The following TIMP2 variants were observed in gnomAD, a reference collection of about 807,000 sequenced individuals.
The protein encoded by TIMP2 is metalloproteinase inhibitor 2.
Under a neutral mutation model 24.3 loss-of-function variants are expected in TIMP2, and 5 were observed. That is an observed-to-expected ratio of 0.21 (90% CI 0.11 to 0.43). The LOEUF is 0.43. TIMP2 is among the 20% of genes least tolerant of loss of function. The pLI, the probability that TIMP2 is intolerant of heterozygous loss-of-function variation, is 1.00. For synonymous variants in TIMP2, 130 were observed against 123.2 expected, an observed-to-expected ratio of 1.06 and a Z score of -0.37; for missense variants, 221 against 297.5, an observed-to-expected ratio of 0.74 and a Z score of 1.89.
chr17:78,904,351 C>T (rs905166638), intron 1 of TIMP2: 5 of 151,976 alleles, frequency 3.3e-5, no homozygotes, highest in South Asian at 2.1e-4. Context: ...GATTTGGGTC[C>T]GAAGAAGTGA....
At chr17:78,908,519 A>G (rs908607436) in intron 1 of TIMP2, among the ~76,000 whole-genome samples, 1 of 152,150 alleles carries the variant, frequency 6.6e-6, no homozygotes, top group African/African-American at 2.4e-5. Flanking sequence ...AAGCTGTGAA[A>G]TCTAATCTTC....
At chr17:78,881,781 A>G (rs1409339096) in intron 1 of TIMP2, among the ~76,000 whole-genome samples, 2 of 152,218 alleles carry the variant, frequency 1.3e-5, no homozygotes, top group Non-Finnish European at 2.9e-5. Context: ...CGCCTTGTCT[A>G]AACTCTCCAG....
At chr17:78,873,205 C>T (rs1334611365) in intron 2 of TIMP2, among the ~76,000 whole-genome samples, 5 of 152,082 alleles carry the variant, frequency 3.3e-5, no homozygotes, top group Non-Finnish European at 7.4e-5. Context: ...CATGAATTTT[C>T]GTCTCTCTTA....
At chr17:78,861,246 G>A (rs572183128) in intron 3 of TIMP2, among the ~76,000 whole-genome samples, 18 of 152,274 alleles carry the variant, frequency 1.2e-4, no homozygotes, top group South Asian at 2.1e-4. Flanking sequence ...CTACAGACAG[G>A]CTGAAGCTCT....
At chr17:78,865,423 G>C (rs186138122) in intron 3 of TIMP2, among the ~76,000 whole-genome samples, 1 of 151,854 alleles carries the variant, frequency 6.6e-6, no homozygotes, top group African/African-American at 2.4e-5. Context: ...TCAGGAGTTC[G>C]AGACCAGCCT....
At chr17:78,892,636 G>C (rs1280256992) in intron 1 of TIMP2, 3 of 944,028 alleles carry the variant, frequency 3.2e-6, no homozygotes, top group Non-Finnish European at 4.6e-6. Flanking sequence ...TTTCTGTCCT[G>C]TACACTTTTG....
intron 3 of TIMP2, among the ~76,000 whole-genome samples, chr17:78,864,644 T>C (rs1347259308): frequency 6.6e-6 from 1 of 152,210 alleles, no homozygotes; most frequent in Non-Finnish European, 1.5e-5. Context: ...TACTAAGTAG[T>C]ATCTGAGTTA....
chr17:78,892,141 T>G, intron 1 of TIMP2: 1 of 1,550,920 alleles, frequency 6.4e-7, no homozygotes, highest in South Asian at 1.2e-5. Context: ...GCAGGTGCTG[T>G]GCCTCCTGAT....
Position 78,855,904 on chromosome 17 carries a change from C to T in TIMP2, c.466-40G>A. The T allele has an allele frequency of 6.2e-7, 1 of 1,607,596 alleles. No individual in the cohort carries two copies. The highest frequency in any genetic ancestry group is 8.5e-7 in the Non-Finnish European group (1 of 1,175,166). On this transcript the variant is annotated intron_variant, in intron 4 of 4. Transcript: ENST00000262768. This position sits in a 1 kb window ranked among gnomAD's most constrained non-coding sequence, Gnocchi z 6.0. ...ACGGAGGGGGACGGAGTCAGGGACC[C>T]AGGAAGGGGTGGGCAGAGGCTGCTC...
intron 1 of TIMP2, chr17:78,901,774 G>A (rs915356594): frequency 2.8e-6 from 2 of 717,314 alleles, no homozygotes; most frequent in Non-Finnish European, 2.6e-6. Flanking sequence ...GGGAAGAGGG[G>A]TGGTACTTAC....
intron 1 of TIMP2, among the ~76,000 whole-genome samples, chr17:78,909,358 T>TAA (rs528903946): frequency 2.3e-3 from 333 of 144,176 alleles, no homozygotes; most frequent in African/African-American, 8.1e-3. Context: ...CTCATCTCTT[T>TAA]AAAAAAAAAA....
At chr17:78,905,298 C>T (rs560794927) in intron 1 of TIMP2, among the ~76,000 whole-genome samples, 17 of 152,314 alleles carry the variant, frequency 1.1e-4, no homozygotes, top group African/African-American at 4.1e-4. Context: ...AGTGACCCTG[C>T]TGCTCCAGCT....
At position 78,853,866 on chromosome 17, in the gene TIMP2, T is replaced by C. The variant is rs569330343; in HGVS notation, c.*1801A>G. The C allele has an allele frequency of 2.6e-5, 4 of 152,570 alleles. No individual in the cohort carries two copies. Among genetic ancestry groups the C allele is most frequent in the Admixed American group, 1.3e-4 (2 of 15,292 alleles). The allele number at this position is 152,570 out of a possible 1,614,324, so 9.5% of individuals were successfully genotyped here. A position where few individuals can be genotyped will look rare whatever the true frequency, so the allele number is the denominator to read the frequency against. ...GGAAGCGAACAGGGGTGGGGTGTTA[T>C]ATGGGTTGGAGGGGTCTGGTGGAGT... is the stretch of plus-strand genomic sequence containing the variant. On this transcript the variant is annotated 3_prime_UTR_variant, in exon 5 of 5. Transcript: ENST00000262768.
At chr17:78,897,114 G>A in intron 1 of TIMP2, 1 of 483,878 alleles carries the variant, frequency 2.1e-6, no homozygotes, top group Non-Finnish European at 2.7e-6. Context: ...CCCCCCGCCG[G>A]CCTCCTCACC....
chr17:78,918,118 C>T (rs555075087), intron 1 of TIMP2, among the ~76,000 whole-genome samples: 29 of 149,754 alleles, frequency 1.9e-4, no homozygotes, highest in Non-Finnish European at 3.3e-4. Context: ...TTACAGTTTC[C>T]GGGCTTGTGA....
intron 1 of TIMP2, chr17:78,899,079 C>T (rs1190997917): frequency 6.6e-6 from 1 of 151,938 alleles, no homozygotes; most frequent in Non-Finnish European, 1.5e-5. Flanking sequence ...GGTGTGAGCC[C>T]CCACGCCCGC....
chr17:78,881,346 T>C lies in TIMP2; in HGVS notation c.131-7427A>G, dbSNP rs76591347. Among the ~76,000 whole-genome samples, 721 of 152,360 alleles carry C rather than the reference T, an allele frequency of 4.7e-3. 3 individuals carry two copies. Among genetic ancestry groups the C allele is most frequent in the African/African-American group, 0.016 (656 of 41,582 alleles). On this transcript the variant is annotated intron_variant, in intron 1 of 4. Coordinates refer to ENST00000262768, the MANE Select transcript of TIMP2 (RefSeq NM_003255.5). ...CCAAGGGGTCCCCATGTTCTCAACA[T>C]GGGTCATTCCTGGGAGTCGGGTGGG...
chr17:78,876,117 C>T (rs1462458929), intron 1 of TIMP2, among the ~76,000 whole-genome samples: 19 of 152,150 alleles, frequency 1.2e-4, no homozygotes, highest in Non-Finnish European at 1.5e-5. Context: ...ATCCTCTCAT[C>T]CACCGCAACC....
At chr17:78,900,080 A>G (rs550447381) in intron 1 of TIMP2, 1 of 152,258 alleles carries the variant, frequency 6.6e-6, no homozygotes, top group East Asian at 1.9e-4. Context: ...TGGGATGATA[A>G]TATAGGAAAT....
Sources: gnomAD v4.1 joint callset for allele counts (sites outside exome capture counted in the v4.1 genomes callset) on GRCh38, gnomAD v4.1.1 for gene constraint, Gnocchi (gnomAD v3.1) non-coding constraint, MANE v1.5 for transcripts, NCBI Gene and HGNC (gene_info 2026-07-23, HGNC 2026-07-21) for gene names.